PCNX4: variants seen among roughly 807,000 people sequenced by gnomAD.
The protein encoded by PCNX4 is pecanex 4, also known as pecanex-like protein 4.
In PCNX4, 103 loss-of-function variants were observed where a neutral mutation model predicts 107.2. That is an observed-to-expected ratio of 0.96 (90% CI 0.82 to 1.13). The LOEUF (loss-of-function observed/expected upper bound fraction) is 1.13. Among genes scored for constraint, PCNX4 ranks in the 50% most tolerant of loss-of-function variants. The probability of loss-of-function intolerance (pLI) is 0.00; values close to 1 mark genes in which losing one functional copy is unlikely to be tolerated. For synonymous variants in PCNX4, 541 were observed against 481.7 expected, an observed-to-expected ratio of 1.12 and a Z score of -1.61; for missense variants, 1,528 against 1,379.4, an observed-to-expected ratio of 1.11 and a Z score of -1.71.
chr14:60,118,516 C>T lies in PCNX4; in HGVS notation c.1766C>T (p.Pro589Leu), dbSNP rs774273762. 9 of 1,613,722 alleles carry T rather than the reference C, an allele frequency of 5.6e-6. No individual in the cohort carries two copies. Among genetic ancestry groups the T allele is most frequent in the South Asian group, 4.4e-5 (4 of 91,062 alleles). Residue 589 changes from proline to leucine, a missense_variant, in exon 7 of 11, where the codon CCC becomes CTC. Coordinates refer to ENST00000406854, the MANE Select transcript of PCNX4 (RefSeq NM_001330177.2). ...GTTTTTTCTACACTACTCTCTTCTC[C>T]CTTACTCCCTCTTTTCACCCTTCCT... ...IIVFSTLLSS[P>L]LLPLFTLPVF...
chr14:60,116,100 AC>A, intron 6 of PCNX4, 40 bp downstream of exon 6: 2 of 1,500,412 alleles, frequency 1.3e-6, no homozygotes, highest in Non-Finnish European at 1.8e-6. Flanking sequence ...AATATATTTT[AC>A]ATACTATAAT....
chr14:60,138,091 A>G lies in PCNX4; in HGVS notation c.*3870A>G, dbSNP rs1285325308. On this transcript the variant is annotated 3_prime_UTR_variant, in exon 11 of 11. Transcript: ENST00000406854. ...GGGCGACAGAGCGAGACTCCATCTC[A>G]AAAAGAAAAAAAAAAAAAAAGGATT... 2.6e-5 allele frequency: 4 copies of G among 151,894 alleles called. No homozygotes were observed. The highest frequency in any genetic ancestry group is 9.7e-5 in the African/African-American group (4 of 41,032). 9.4% of individuals were successfully genotyped at this position (151,894 alleles called of 1,614,324 possible). A position where few individuals can be genotyped will look rare whatever the true frequency, so the allele number is the denominator to read the frequency against.
intron 10 of PCNX4, among the ~76,000 whole-genome samples, chr14:60,131,723 T>G (rs1896158488): frequency 6.6e-6 from 1 of 152,226 alleles, no homozygotes; most frequent in South Asian, 2.1e-4. Context: ...ATATGGAATT[T>G]CAAGAGACCC....
At chr14:60,108,433 C>T (rs1241127434) in intron 2 of PCNX4, 106 bp downstream of exon 2, 2 of 809,950 alleles carry the variant, frequency 2.5e-6, no homozygotes, top group Admixed American at 2.8e-5. Context: ...GATTAAAAAT[C>T]ATCAAACCAT....
rs1032792899 is a variant in PCNX4, at chr14:60,135,579, A to C, written c.*1358A>C. On this transcript the variant is annotated 3_prime_UTR_variant, in exon 11 of 11. Transcript: ENST00000406854. The stretch of plus-strand genomic sequence containing the variant: ...AGCTTTTTTTTTTTTCCGAGATGGA[A>C]TCTCGCTCTGTCACCCAGGCTGGGG... The C allele has an allele frequency of 6.6e-6, 1 of 151,864 alleles. No homozygotes were observed. The highest frequency in any genetic ancestry group is 6.6e-5 in the Admixed American group (1 of 15,232). The allele number at this position is 151,864 out of a possible 1,614,324, so 9.4% of individuals were successfully genotyped here.
rs912230796 is a variant in PCNX4 at position 60,140,629 on chromosome 14, C to T, written c.*6408C>T. 3.3e-5 allele frequency: 5 copies of T among 151,978 alleles called. No homozygotes were observed. Among genetic ancestry groups the T allele is most frequent in the African/African-American group, 9.7e-5 (4 of 41,394 alleles). 9.4% of individuals were successfully genotyped at this position (151,978 alleles called of 1,614,324 possible). On this transcript the variant is annotated 3_prime_UTR_variant, in exon 11 of 11. Coordinates refer to ENST00000406854, the MANE Select transcript of PCNX4 (RefSeq NM_001330177.2). This position sits in a 1 kb window ranked among gnomAD's most constrained non-coding sequence, Gnocchi z 4.2. The stretch of plus-strand genomic sequence containing the variant: ...ACACACACACACACACCCCTACACA[C>T]ACAGAATAATCACAATCAAGTTGGG...
rs1017234974 is a variant in PCNX4, at chr14:60,098,075, T to C, written c.-54+5656T>C. On this transcript the variant is annotated intron_variant, in intron 1 of 10. Transcript: ENST00000406854. ...CAAAATCCAAAGGGCATCAGCCTTATGGTTAAGGTCAGCATGAACATAAAT... is the reference window on the plus strand; with the variant it reads ...CAAAATCCAAAGGGCATCAGCCTTACGGTTAAGGTCAGCATGAACATAAAT... 2.6e-5 allele frequency among the ~76,000 whole-genome samples: 4 copies of C among 152,326 alleles called. No individual in the cohort carries two copies. In the South Asian group the frequency reaches 6.2e-4, roughly 24 times the overall value.
intron 9 of PCNX4, 59 bp downstream of exon 9, chr14:60,125,310 A>G (rs888306279): frequency 5.7e-6 from 8 of 1,398,114 alleles, no homozygotes; most frequent in Middle Eastern, 3.7e-4. Flanking sequence ...TGATTTTTCT[A>G]AATCACGTAC....
At position 60,115,266 on chromosome 14, in the gene PCNX4, C is replaced by A; in HGVS notation, c.1162C>A (p.Gln388Lys). 1 of 1,612,030 alleles carries A rather than the reference C, an allele frequency of 6.2e-7. No individual in the cohort carries two copies. Among genetic ancestry groups the A allele is most frequent in the Non-Finnish European group, 8.5e-7 (1 of 1,178,386 alleles). Residue 388 changes from glutamine (Q) to lysine (K), a missense_variant, in exon 4 of 11, where the codon CAG becomes AAG. Coordinates refer to ENST00000406854, the MANE Select transcript of PCNX4 (RefSeq NM_001330177.2). ...CTCACAGATTTCTAAAAGCAATTCC[C>A]AGGCTATTGTGGGCTATGGTTTGAT... ...GFSQISKSNS[Q>K]AIVGYGLMIL... is the part of the protein sequence containing the mutation.
intron 6 of PCNX4, among the ~76,000 whole-genome samples, chr14:60,117,283 A>AT (rs1169759585): frequency 2.0e-5 from 3 of 152,122 alleles, no homozygotes; most frequent in Non-Finnish European, 2.9e-5. Flanking sequence ...CAGGTATACC[A>AT]TTTTTTATCT....
chr14:60,124,458 G>A lies in PCNX4; in HGVS notation c.2287G>A (p.Val763Ile). The A allele has an allele frequency of 6.2e-7, 1 of 1,613,702 alleles. No homozygotes were observed. The highest frequency in any genetic ancestry group is 8.5e-7 in the Non-Finnish European group (1 of 1,179,712). Residue 763 changes from valine to isoleucine, a missense_variant, in exon 9 of 11, where the codon GTA becomes ATA. Transcript: ENST00000406854. ...AGAATTTAAAGGTGACCTCATTAAAGTACTTGTGTGGATACTTGTTCAATA... is the reference window on the plus strand; with the variant it reads ...AGAATTTAAAGGTGACCTCATTAAAATACTTGTGTGGATACTTGTTCAATA... ...LKEFKGDLIKVLVWILVQYCS... is the reference protein window; with the variant it reads ...LKEFKGDLIKILVWILVQYCS...
Position 60,107,672 on chromosome 14 carries a change from A to T in PCNX4, c.34A>T (p.Lys12Ter), listed in dbSNP as rs145590848. Residue 12 changes from lysine (K) to a stop codon, truncating the protein, a stop_gained, in exon 2 of 11, where the codon AAG (lysine) becomes TAG (stop). Transcript: ENST00000406854. LOFTEE classifies it high-confidence loss of function. ...SPDVPLLNDY[K>*]QDFFLKRFPQ... ...AGATGTGCCTCTACTGAATGATTAC[A>T]AGCAGGACTTCTTTCTGAAGCGCTT... 1.2e-6 allele frequency: 2 copies of T among 1,612,760 alleles called. No homozygotes were observed. The highest frequency in any genetic ancestry group is 2.7e-5 in the African/African-American group (2 of 75,036).
rs1440005545 is a variant in PCNX4, at chr14:60,107,928, AATC to A, written c.292_294del (p.Ser98del). 3 of 1,612,774 alleles carry A rather than the reference AATC, an allele frequency of 1.9e-6. No homozygotes were observed. The highest frequency in any genetic ancestry group is 2.5e-6 in the Non-Finnish European group (3 of 1,179,908). ...TTCACAAGTTTATACGCCAAAAACA[AATC>A]AACAACAGTAGAAAGAATACTAACC... is the stretch of plus-strand genomic sequence containing the variant. On this transcript the variant is annotated inframe_deletion, in exon 2 of 11. Transcript: ENST00000406854.
In PCNX4 at chr14:60,121,246, A is replaced by C. The variant is rs1363570936; in HGVS notation, c.1993A>C (p.Met665Leu). The C allele has an allele frequency of 6.2e-7, 1 of 1,607,600 alleles. No homozygotes were observed. Among genetic ancestry groups the C allele is most frequent in the African/African-American group, 1.4e-5 (1 of 73,772 alleles). Residue 665 changes from methionine to leucine, a missense_variant, in exon 8 of 11, where the codon ATG (methionine) becomes CTG (leucine). Met to Leu is a conservative substitution (Grantham distance 15, BLOSUM62 2). Coordinates refer to ENST00000406854, the MANE Select transcript of PCNX4 (RefSeq NM_001330177.2). ...CTTGGGCCGTTTTCAGGATCGTTTA[A>C]TGTGGATAATGATTCTGGAATGTGG... Reference protein sequence around the residue: ...HYLGRFQDRLMWIMILECGYT... With the variant: ...HYLGRFQDRLLWIMILECGYT...
Position 60,141,635 on chromosome 14 carries a change from TAAAA to T in PCNX4, c.*7415_*7418del, listed in dbSNP as rs1896307093. The stretch of plus-strand genomic sequence containing the variant: ...AAATTCATAATTTAAAATCTCCTGA[TAAAA>T]GAAATCTCCAGACCCAGATGCCCTG... On this transcript the variant is annotated 3_prime_UTR_variant, in exon 11 of 11. Coordinates refer to ENST00000406854, the MANE Select transcript of PCNX4 (RefSeq NM_001330177.2). 6.6e-6 allele frequency: 1 copy of T among 151,896 alleles called. No individual in the cohort carries two copies. Among genetic ancestry groups the T allele is most frequent in the Admixed American group, 6.6e-5 (1 of 15,266 alleles). The allele number at this position is 151,896 out of a possible 1,614,324, so 9.4% of individuals were successfully genotyped here.
chr14:60,121,549 T>C (rs1424854120), intron 8 of PCNX4, among the ~76,000 whole-genome samples: 1 of 151,952 alleles, frequency 6.6e-6, no homozygotes, highest in African/African-American at 2.4e-5. Context: ...TTGTTATCTC[T>C]GTCAAGTTGA....
chr14:60,106,545 C>T (rs1330281818), intron 1 of PCNX4, among the ~76,000 whole-genome samples: 1 of 152,140 alleles, frequency 6.6e-6, no homozygotes, highest in Admixed American at 6.5e-5. Flanking sequence ...GTGATTCATT[C>T]TATGCGGAAC....
Position 60,144,277 on chromosome 14 carries a change from A to T in PCNX4, c.*10056A>T, listed in dbSNP as rs1220187670. 1.3e-5 allele frequency: 2 copies of T among 152,212 alleles called. No homozygotes were observed. Among genetic ancestry groups the T allele is most frequent in the African/African-American group, 2.4e-5 (1 of 41,442 alleles). 9.4% of individuals were successfully genotyped at this position (152,212 alleles called of 1,614,324 possible). A position where few individuals can be genotyped will look rare whatever the true frequency, so the allele number is the denominator to read the frequency against. ...AAATACTTCTTTATATCTGGTCATT[A>T]CCCAGCACTCTGCTTTGTGTGAAAT... On this transcript the variant is annotated 3_prime_UTR_variant, in exon 11 of 11. Coordinates refer to ENST00000406854, the MANE Select transcript of PCNX4 (RefSeq NM_001330177.2).
chr14:60,140,964 G>A lies in PCNX4; in HGVS notation c.*6743G>A, dbSNP rs1896299921. ...CCTGATAAGAAACTCATGGGATTTT[G>A]GCTATGTAAGTGGCCAAATACTGCA... On this transcript the variant is annotated 3_prime_UTR_variant, in exon 11 of 11. Transcript: ENST00000406854. The surrounding 1 kb of genome is among the most constrained non-coding windows in gnomAD (Gnocchi z 4.2). The A allele has an allele frequency of 6.6e-6, 1 of 152,166 alleles. No individual in the cohort carries two copies. The highest frequency in any genetic ancestry group is 1.5e-5 in the Non-Finnish European group (1 of 68,032). The allele number at this position is 152,166 out of a possible 1,614,324, so 9.4% of individuals were successfully genotyped here. A position where few individuals can be genotyped will look rare whatever the true frequency, so the allele number is the denominator to read the frequency against.
Sources: allele counts gnomAD v4.1 joint callset (sites outside exome capture counted in the v4.1 genomes callset), GRCh38; gene constraint gnomAD v4.1.1; non-coding constraint Gnocchi (gnomAD v3.1); transcripts MANE v1.5; gene names NCBI Gene and HGNC (gene_info 2026-07-23, HGNC 2026-07-21).